The following JAG1 variants were observed in gnomAD, a reference collection of about 807,000 sequenced individuals.
The protein encoded by JAG1 is jagged canonical Notch ligand 1.
A neutral mutation model predicts 148.7 loss-of-function variants in JAG1; 23 were observed. The observed-to-expected ratio is 0.15, with a 90% confidence interval of 0.11 to 0.22. JAG1 has a LOEUF of 0.22. JAG1 is among the 10% of genes least tolerant of loss of function. JAG1 has a pLI of 1.00. For synonymous variants in JAG1, 572 were observed against 598.3 expected (o/e 0.96, Z 0.64); for missense variants, 1,054 against 1,611.2 (o/e 0.65, Z 5.92).
intron 10 of JAG1, 86 bp downstream of exon 10, chr20:10,649,436 A>G: frequency 1.2e-6 from 1 of 831,562 alleles, no homozygotes; most frequent in Non-Finnish European, 2.1e-6. Flanking sequence ...TCTACTGCTC[A>G]AGTCCTAGGA....
rs1191932895 is a variant in JAG1, at chr20:10,650,747, C to G, written c.1121-387G>C. 5 of 276,494 alleles carry G rather than the reference C, an allele frequency of 1.8e-5. No individual in the cohort carries two copies. In the East Asian group the frequency reaches 2.7e-4, roughly 15 times the overall value. 17.1% of individuals were successfully genotyped at this position (276,494 alleles called of 1,614,324 possible). On this transcript the variant is annotated intron_variant, in intron 8 of 25. Coordinates refer to ENST00000254958, the MANE Select transcript of JAG1 (RefSeq NM_000214.3). The stretch of plus-strand genomic sequence containing the variant: ...TCTTTACAGGTGGAAAACCTTATTC[C>G]TCTCATTTGCTTACAGAGTTTGCCC...
chr20:10,647,295 AAG>A (rs2067315814), intron 13 of JAG1, 192 bp from the exon 14 acceptor site: 5 of 643,032 alleles, frequency 7.8e-6, no homozygotes, highest in Admixed American at 2.4e-5. Flanking sequence ...ACTCCAGGCA[AAG>A]AGTTTTAAAG....
intron 21 of JAG1, 85 bp downstream of exon 21, chr20:10,642,402 TG>T: frequency 1.3e-6 from 1 of 770,832 alleles, no homozygotes; most frequent in Non-Finnish European, 2.3e-6. Context: ...CTGAGCACAG[TG>T]GCTTATTTGT....
chr20:10,639,337 A>C lies in JAG1; in HGVS notation c.*161T>G. On this transcript the variant is annotated 3_prime_UTR_variant, in exon 26 of 26. Coordinates refer to ENST00000254958, the MANE Select transcript of JAG1 (RefSeq NM_000214.3). The stretch of plus-strand genomic sequence containing the variant: ...AGATGCGGCACTCGATTTCCCAGCC[A>C]ACCACAGAAACTACCATTGCCAGTG... 1 of 757,706 alleles carries C rather than the reference A, an allele frequency of 1.3e-6. No individual in the cohort carries two copies. The highest frequency in any genetic ancestry group is 2.4e-6 in the Non-Finnish European group (1 of 422,046). 46.9% of individuals were successfully genotyped at this position (757,706 alleles called of 1,614,324 possible).
chr20:10,661,755 A>G lies in JAG1; in HGVS notation c.439+2208T>C, dbSNP rs544062794. On this transcript the variant is annotated intron_variant, in intron 3 of 25. Transcript: ENST00000254958. ...AAGCACTAGAGGTGAGTCAGAGCAG[A>G]TAAAGGTGGACCAGACGAAGGCTAC... 2.6e-5 allele frequency among the ~76,000 whole-genome samples: 4 copies of G among 152,346 alleles called. No homozygotes were observed. The South Asian group carries it at 6.2e-4, about 24-fold the overall frequency.
rs2069802386 is a variant in JAG1, at chr20:10,638,503, TTC to T, written c.*993_*994del. On this transcript the variant is annotated 3_prime_UTR_variant, in exon 26 of 26. Coordinates refer to ENST00000254958, the MANE Select transcript of JAG1 (RefSeq NM_000214.3). ...GCAGCAGATCACCTGCCTGTCTCTT[TTC>T]AAGTCTAAAGCAGAAAAACAAAAAA... The T allele has an allele frequency of 6.6e-6, 1 of 152,636 alleles. No homozygotes were observed. Among genetic ancestry groups the T allele is most frequent in the African/African-American group, 2.4e-5 (1 of 41,452 alleles). 9.5% of individuals were successfully genotyped at this position (152,636 alleles called of 1,614,324 possible).
At position 10,639,521 on chromosome 20, in the gene JAG1, T is replaced by C. The variant is rs1223611002; in HGVS notation, c.3634A>G (p.Asn1212Asp). The C allele has an allele frequency of 6.2e-7, 1 of 1,614,170 alleles. No homozygotes were observed. Among genetic ancestry groups the C allele is most frequent in the South Asian group, 1.1e-5 (1 of 91,084 alleles). The change falls in exon 26 of 26, where the codon AAC (asparagine) becomes GAC (aspartate). Residue 1212 changes from asparagine to aspartate, a missense_variant. By Grantham distance (23) the Asn-to-Asp change is conservative. This residue lies in a region of JAG1 where 177 missense variants were observed against 177.3 expected (regional missense o/e 1.00). Coordinates refer to ENST00000254958, the MANE Select transcript of JAG1 (RefSeq NM_000214.3). ...TGCTATACGATGTACTCCATTCGGTTTAAGCTCTGGGCACTTTCCAAGTCT... is the reference window on the plus strand; with the variant it reads ...TGCTATACGATGTACTCCATTCGGTCTAAGCTCTGGGCACTTTCCAAGTCT... Reference protein sequence around the residue: ...NRDLESAQSLNRMEYIV With the variant: ...NRDLESAQSLDRMEYIV
In JAG1 at chr20:10,673,500, C is replaced by G. The variant is rs760481137; in HGVS notation, c.31G>C (p.Gly11Arg). Residue 11 changes from glycine (G) to arginine (R), a missense_variant, in exon 1 of 26, where the codon GGG becomes CGG. This residue lies in a region of JAG1 where 151 missense variants were observed against 211.1 expected (regional missense o/e 0.72). Transcript: ENST00000254958. This position sits in a 1 kb window ranked among gnomAD's most constrained non-coding sequence, Gnocchi z 4.7. MRSPRTRGRS[G>R]RPLSLLLALL... ...GCGAGCAGGAGGCTTAGGGGGCGCCCGGACCGGCCGCGCGTCCGTGGGGAA... is the reference window on the plus strand; with the variant it reads ...GCGAGCAGGAGGCTTAGGGGGCGCCGGGACCGGCCGCGCGTCCGTGGGGAA... 7.9e-7 allele frequency: 1 copy of G among 1,272,690 alleles called. No individual in the cohort carries two copies. The highest frequency in any genetic ancestry group is 3.1e-5 in the South Asian group (1 of 32,226). 78.8% of individuals were successfully genotyped at this position (1,272,690 alleles called of 1,614,324 possible).
intron 3 of JAG1, among the ~76,000 whole-genome samples, chr20:10,659,035 G>A (rs763817834): frequency 3.3e-5 from 5 of 152,138 alleles, no homozygotes; most frequent in South Asian, 2.1e-4. Flanking sequence ...TTCCTTGAAC[G>A]TATCTGCCTG....
chr20:10,673,539 C>T lies in JAG1; in HGVS notation c.-9G>A. 1 of 1,236,094 alleles carries T rather than the reference C, an allele frequency of 8.1e-7. No homozygotes were observed. Among genetic ancestry groups the T allele is most frequent in the Non-Finnish European group, 1.0e-6 (1 of 981,396 alleles). 76.6% of individuals were successfully genotyped at this position (1,236,094 alleles called of 1,614,324 possible). A position where few individuals can be genotyped will look rare whatever the true frequency, so the allele number is the denominator to read the frequency against. ...GTCCGTGGGGAACGCATCGCTGCGC[C>T]GCGCGCCGCGGGCACTCGGGACGCC... On this transcript the variant is annotated 5_prime_UTR_variant, in exon 1 of 26. Transcript: ENST00000254958. The surrounding 1 kb of genome is among the most constrained non-coding windows in gnomAD (Gnocchi z 4.7).
chr20:10,672,749 G>A lies in JAG1; in HGVS notation c.339C>T (p.Arg113=). ...GGNTFNLKAS[R]GNDRNRIVLP... ...GCACGATGCGGTTGCGGTCGTTGCC[G>A]CGGCTGGCCTTGAGGTTGAAGGTGT... The change falls in exon 2 of 26, where the codon CGC becomes CGT. Residue 113 remains arginine (R), a synonymous_variant. Coordinates refer to ENST00000254958, the MANE Select transcript of JAG1 (RefSeq NM_000214.3). 1 of 1,613,052 alleles carries A rather than the reference G, an allele frequency of 6.2e-7. No homozygotes were observed. The highest frequency in any genetic ancestry group is 8.5e-7 in the Non-Finnish European group (1 of 1,180,028).
intron 12 of JAG1, 101 bp downstream of exon 12, chr20:10,648,448 G>T: frequency 9.9e-7 from 1 of 1,010,710 alleles, no homozygotes; most frequent in Non-Finnish European, 1.6e-6. Context: ...TAGATGTTAG[G>T]AAATTCCAGA....
In JAG1 at chr20:10,640,745, T is replaced by A. The variant is rs746849087; in HGVS notation, c.3199+38A>T. On this transcript the variant is annotated intron_variant, in intron 25 of 25. Transcript: ENST00000254958. ...TATTGAATAGTATAATGAGATCATC[T>A]ACTATCATCACACAAACTAGTCCCA... The A allele has an allele frequency of 4.2e-5, 67 of 1,604,724 alleles. No homozygotes were observed. In the South Asian group the frequency reaches 7.0e-4, roughly 17 times the overall value.
At chr20:10,651,455 C>T in intron 8 of JAG1, 126 bp downstream of exon 8, 1 of 660,898 alleles carries the variant, frequency 1.5e-6, no homozygotes, top group South Asian at 1.7e-5. Flanking sequence ...GCTTACCAGA[C>T]TTAGGCCTGC....
intron 4 of JAG1, among the ~76,000 whole-genome samples, 167 bp downstream of exon 4, chr20:10,658,301 G>GCAC (rs947033193): frequency 1.3e-5 from 2 of 152,092 alleles, no homozygotes; most frequent in African/African-American, 4.8e-5. Context: ...TCTGGATGGG[G>GCAC]CACCAACAGC....
chr20:10,641,949 A>G lies in JAG1; in HGVS notation c.2573-57T>C, dbSNP rs953916007. Reference sequence around the variant, plus strand: ...TTTCTGTGAACCGGATCGGGGTTCAATTCTTTGGTCCCTGTTATGAAATGG... The same window carrying G: ...TTTCTGTGAACCGGATCGGGGTTCAGTTCTTTGGTCCCTGTTATGAAATGG... On this transcript the variant is annotated intron_variant, in intron 21 of 25. Transcript: ENST00000254958. 4 of 1,126,282 alleles carry G rather than the reference A, an allele frequency of 3.6e-6. No individual in the cohort carries two copies. In the African/African-American group the frequency reaches 4.6e-5, roughly 13 times the overall value. The allele number at this position is 1,126,282 out of a possible 1,614,324, so 69.8% of individuals were successfully genotyped here.
At chr20:10,665,193 GA>G (rs2067445023) in intron 2 of JAG1, among the ~76,000 whole-genome samples, 1 of 152,182 alleles carries the variant, frequency 6.6e-6, no homozygotes, top group Admixed American at 6.5e-5. Context: ...AGGAAAAAGA[GA>G]AAAAGGGAGG....
In JAG1 at chr20:10,644,927, C is replaced by A. The variant is rs1030098117; in HGVS notation, c.2280G>T (p.Val760=). The change falls in exon 18 of 26, where the codon GTG becomes GTT. Residue 760 remains valine (V), a synonymous_variant. Transcript: ENST00000254958. ...PNPCHNGGTC[V]VNGESFTCVC... Reference sequence around the variant, plus strand: ...CGCACGTAAAGGACTCGCCGTTGACCACACATGTGCCCCCATTATGGCAGG... The same window carrying A: ...CGCACGTAAAGGACTCGCCGTTGACAACACATGTGCCCCCATTATGGCAGG... 8.7e-6 allele frequency: 14 copies of A among 1,614,032 alleles called. No individual in the cohort carries two copies. In the African/African-American group the frequency reaches 1.7e-4, roughly 20 times the overall value.
rs192314915 is a variant in JAG1 at position 10,664,362 on chromosome 20, G to C, written c.388-348C>G. On this transcript the variant is annotated intron_variant, in intron 2 of 25. Coordinates refer to ENST00000254958, the MANE Select transcript of JAG1 (RefSeq NM_000214.3). ...CAAAACTTTCCAGACCCTGACCCTAGTGCATGAGGAAACACACACACACAC... is the reference window on the plus strand; with the variant it reads ...CAAAACTTTCCAGACCCTGACCCTACTGCATGAGGAAACACACACACACAC... Among the ~76,000 whole-genome samples, 14 of 136,124 alleles carry C rather than the reference G, an allele frequency of 1.0e-4. No individual in the cohort carries two copies. In the East Asian group the frequency reaches 2.8e-3, roughly 27 times the overall value. The allele number at this position is 136,124 out of a possible 152,430, so 89.3% of individuals were successfully genotyped here. A position where few individuals can be genotyped will look rare whatever the true frequency, so the allele number is the denominator to read the frequency against.
Sources: gnomAD v4.1 joint callset for allele counts (sites outside exome capture counted in the v4.1 genomes callset) on GRCh38, gnomAD v4.1.1 for gene constraint, gnomAD v4.1.1 regional missense constraint, Gnocchi (gnomAD v3.1) non-coding constraint, MANE v1.5 for transcripts, NCBI Gene and HGNC (gene_info 2026-07-23, HGNC 2026-07-21) for gene names.